WHRN: variants seen among roughly 807,000 people sequenced by gnomAD.
The protein encoded by WHRN is whirlin.
WHRN carries 41 observed loss-of-function variants against 68.3 expected under a neutral mutation model. That is an observed-to-expected ratio of 0.60 (90% confidence interval 0.47 to 0.78). WHRN has a LOEUF of 0.78. WHRN is among the 30% of genes least tolerant of loss of function. The pLI is 0.00. For synonymous variants in WHRN, 560 were observed against 561.3 expected, an observed-to-expected ratio of 1.00 and a Z score of 0.03; for missense variants, 1,243 against 1,244.7, an observed-to-expected ratio of 1.00 and a Z score of 0.02.
intron 7 of WHRN, among the ~76,000 whole-genome samples, chr9:114,417,037 C>T (rs753407038): frequency 1.8e-4 from 27 of 152,230 alleles, no homozygotes; most frequent in Admixed American, 9.2e-4. Context: ...GCAGGCCTTT[C>T]TTCTTTCACT....
intron 3 of WHRN, among the ~76,000 whole-genome samples, chr9:114,430,097 C>T (rs1443049430): frequency 6.6e-6 from 1 of 152,226 alleles, no homozygotes; most frequent in Non-Finnish European, 1.5e-5. Context: ...TTTATATCAT[C>T]CCTGCAGTTT....
At position 114,504,772 on chromosome 9, in the gene WHRN, C is replaced by T; in HGVS notation, c.30G>A (p.Val10=). The T allele has an allele frequency of 1.3e-6, 2 of 1,482,470 alleles. No homozygotes were observed. The highest frequency in any genetic ancestry group is 1.3e-5 in the South Asian group (1 of 75,822). The allele number at this position is 1,482,470 out of a possible 1,614,324, so 91.8% of individuals were successfully genotyped here. ...CCAGCGAGCCGGTGGAGGACGAGCT[C>T]ACCGACAGGCCGTCCAGCGGCGCGT... MNAPLDGLS[V]SSSSTGSLGS... is the part of the protein sequence containing the mutation. The change falls in exon 1 of 12, where the codon GTG becomes GTA. Residue 10 remains valine, a synonymous_variant. Transcript: ENST00000362057.
intron 7 of WHRN, among the ~76,000 whole-genome samples, chr9:114,410,820 G>A (rs996190669): frequency 2.0e-5 from 3 of 152,366 alleles, no homozygotes; most frequent in East Asian, 3.9e-4. Flanking sequence ...AGCGCGGTAT[G>A]TGGTGGTTGG....
At chr9:114,483,562 G>A (rs766279544) in intron 1 of WHRN, among the ~76,000 whole-genome samples, 14 of 151,654 alleles carry the variant, frequency 9.2e-5, no homozygotes, top group Non-Finnish European at 1.8e-4. Flanking sequence ...CTGGGGGATC[G>A]CGAGATCCTC....
chr9:114,474,786 TG>T (rs935363824), intron 2 of WHRN, among the ~76,000 whole-genome samples: 1 of 152,108 alleles, frequency 6.6e-6, no homozygotes, highest in African/African-American at 2.4e-5. Flanking sequence ...CTCCTCACAC[TG>T]GGGAGGTGAA....
chr9:114,405,446 AG>A (rs1368331299), intron 9 of WHRN, among the ~76,000 whole-genome samples: 1 of 152,232 alleles, frequency 6.6e-6, no homozygotes, highest in African/African-American at 2.4e-5. Context: ...CCAACCTCAT[AG>A]GGCTACTGGG....
intron 3 of WHRN, among the ~76,000 whole-genome samples, chr9:114,439,150 G>A (rs1838151582): frequency 6.6e-6 from 1 of 152,108 alleles, no homozygotes; most frequent in Admixed American, 6.5e-5. Context: ...GGTGAGAATG[G>A]GTAGAAGGGA....
intron 7 of WHRN, among the ~76,000 whole-genome samples, 194 bp downstream of exon 7, chr9:114,423,120 C>T (rs1333195700): frequency 6.6e-6 from 1 of 152,104 alleles, no homozygotes; most frequent in Non-Finnish European, 1.5e-5. Flanking sequence ...TCCCCAAGAG[C>T]CCATGCCTAG....
At chr9:114,497,168 A>C (rs1843527425) in intron 1 of WHRN, among the ~76,000 whole-genome samples, 1 of 152,200 alleles carries the variant, frequency 6.6e-6, no homozygotes, top group Admixed American at 6.5e-5. Context: ...TTTAGAATCC[A>C]GGAAAGAGGA....
At chr9:114,440,579 C>A (rs992256636) in intron 3 of WHRN, among the ~76,000 whole-genome samples, 1 of 152,118 alleles carries the variant, frequency 6.6e-6, no homozygotes, top group South Asian at 2.1e-4. Flanking sequence ...ATACACAAAC[C>A]CTTGCAGATA....
At chr9:114,408,939 A>T (rs954080243) in intron 7 of WHRN, among the ~76,000 whole-genome samples, 3 of 152,194 alleles carry the variant, frequency 2.0e-5, no homozygotes, top group African/African-American at 7.2e-5. Context: ...GCTCTTCTAG[A>T]GCTGAGACAT....
chr9:114,412,317 T>C (rs1202667280), intron 7 of WHRN, among the ~76,000 whole-genome samples: 1 of 152,178 alleles, frequency 6.6e-6, no homozygotes, highest in Non-Finnish European at 1.5e-5. Flanking sequence ...TCAGAGCTCA[T>C]GCAGGAGCTG....
At chr9:114,407,830 C>T (rs982397432) in intron 8 of WHRN, 117 bp downstream of exon 8, 2 of 825,016 alleles carry the variant, frequency 2.4e-6, no homozygotes, top group African/African-American at 3.4e-5. Context: ...ATGGCAGAGG[C>T]CTCTGTCTCC....
chr9:114,456,484 G>A (rs561923954), intron 3 of WHRN, among the ~76,000 whole-genome samples: 13 of 152,252 alleles, frequency 8.5e-5, no homozygotes, highest in South Asian at 6.2e-4. Flanking sequence ...AAGAAGAGTC[G>A]TATATAAACA....
intron 3 of WHRN, among the ~76,000 whole-genome samples, chr9:114,460,014 A>G (rs1008359785): frequency 1.3e-5 from 2 of 152,200 alleles, no homozygotes; most frequent in African/African-American, 4.8e-5. Flanking sequence ...AAGGAGCCTC[A>G]GCCAGGATGG....
chr9:114,429,130 C>T (rs1837173034), intron 3 of WHRN, among the ~76,000 whole-genome samples: 1 of 152,148 alleles, frequency 6.6e-6, no homozygotes, highest in Admixed American at 6.5e-5. Flanking sequence ...GGGGTTTTGC[C>T]ATGTTGCCTA....
intron 1 of WHRN, among the ~76,000 whole-genome samples, chr9:114,487,677 T>C (rs1423297682): frequency 1.4e-5 from 2 of 138,140 alleles, no homozygotes; most frequent in East Asian, 2.1e-4. Context: ...CCTGAAGCCA[T>C]AGGCAGTGAG....
In WHRN at chr9:114,405,788, TCA is replaced by T. The variant is rs540334473; in HGVS notation, c.2236+565_2236+566del. 5.3e-4 allele frequency among the ~76,000 whole-genome samples: 81 copies of T among 152,338 alleles called. No individual in the cohort carries two copies. In the East Asian group the frequency reaches 0.015, roughly 28 times the overall value. ...ATCCAACAAAATGCTCCCAACTCAC[TCA>T]CAGGCGGGAGCTCCACAGCTTTCAG... On this transcript the variant is annotated intron_variant, in intron 9 of 11. Coordinates refer to ENST00000362057, the MANE Select transcript of WHRN (RefSeq NM_015404.4).
At chr9:114,414,515 C>T (rs1023283490) in intron 7 of WHRN, among the ~76,000 whole-genome samples, 10 of 152,152 alleles carry the variant, frequency 6.6e-5, no homozygotes, top group Admixed American at 1.3e-4. Context: ...TGTCCAAGTT[C>T]CCCTTTGATA....
Sources: allele counts gnomAD v4.1 joint callset (sites outside exome capture counted in the v4.1 genomes callset), GRCh38; gene constraint gnomAD v4.1.1; transcripts MANE v1.5; gene names NCBI Gene and HGNC (gene_info 2026-07-23, HGNC 2026-07-21).